The following MSRA variants were observed in gnomAD, a reference collection of about 807,000 sequenced individuals.
MSRA encodes the protein methionine sulfoxide reductase A, also known as mitochondrial peptide methionine sulfoxide reductase.
Under a neutral mutation model 31.3 loss-of-function variants are expected in MSRA, and 54 were observed. The ratio of observed to expected loss-of-function variants is 1.73; its 90% CI spans 1.39 to 2.17. The LOEUF (loss-of-function observed/expected upper bound fraction) is 2.17. Among genes scored for constraint, MSRA ranks in the 30% most tolerant of loss-of-function variants. MSRA has a pLI of 0.00. For synonymous variants in MSRA, 169 were observed against 116.5 expected, an observed-to-expected ratio of 1.45 and a Z score of -2.90; for missense variants, 507 against 300.9, an observed-to-expected ratio of 1.69 and a Z score of -5.07.
At chr8:10,421,245 G>T (rs17149339) in intron 5 of MSRA, among the ~76,000 whole-genome samples, 1,542 of 152,302 alleles carry the variant, frequency 0.01, 27 homozygotes, top group African/African-American at 0.036. Context: ...ACCGGTGGCT[G>T]TGGTCATGCC....
chr8:10,077,246 A>G (rs530764196), intron 1 of MSRA, among the ~76,000 whole-genome samples: 4 of 152,292 alleles, frequency 2.6e-5, no homozygotes, highest in Admixed American at 2.0e-4. Flanking sequence ...GGCGAGAGCC[A>G]GGCACCATGG....
chr8:10,164,954 G>A (rs181272670), intron 1 of MSRA, among the ~76,000 whole-genome samples: 1 of 152,174 alleles, frequency 6.6e-6, no homozygotes, highest in African/African-American at 2.4e-5. Flanking sequence ...CTTGAACCTG[G>A]GAGGTGGAGG....
chr8:10,264,503 G>C (rs935196561), intron 3 of MSRA, among the ~76,000 whole-genome samples: 2 of 152,114 alleles, frequency 1.3e-5, no homozygotes, highest in East Asian at 1.9e-4. Flanking sequence ...TTATCAGAAC[G>C]ATGGCTGCCT....
intron 1 of MSRA, among the ~76,000 whole-genome samples, chr8:10,165,533 G>A (rs749962780): frequency 6.6e-6 from 1 of 152,168 alleles, no homozygotes; most frequent in Non-Finnish European, 1.5e-5. Context: ...GGTGGGGAGA[G>A]GGGACAGCAG....
At chr8:10,193,370 CT>C (rs1355922119) in intron 1 of MSRA, among the ~76,000 whole-genome samples, 1 of 152,228 alleles carries the variant, frequency 6.6e-6, no homozygotes, top group Non-Finnish European at 1.5e-5. Context: ...GCCGCCTCCT[CT>C]GTCTCCCCTG....
At chr8:10,255,630 A>T (rs1293544796) in intron 3 of MSRA, among the ~76,000 whole-genome samples, 1 of 152,030 alleles carries the variant, frequency 6.6e-6, no homozygotes, top group Non-Finnish European at 1.5e-5. Flanking sequence ...AAGAAAAAAT[A>T]ATCTGTCACC....
At chr8:10,262,561 T>A (rs896725375) in intron 3 of MSRA, among the ~76,000 whole-genome samples, 2 of 152,228 alleles carry the variant, frequency 1.3e-5, no homozygotes, top group Non-Finnish European at 1.5e-5. Context: ...CCATTTTTTA[T>A]TTGGGTTGTT....
At chr8:10,200,407 C>A (rs114771793) in intron 1 of MSRA, among the ~76,000 whole-genome samples, 1 of 152,226 alleles carries the variant, frequency 6.6e-6, no homozygotes, top group South Asian at 2.1e-4. Flanking sequence ...CCTTCCCCTT[C>A]ACCTCCAGCT....
intron 1 of MSRA, among the ~76,000 whole-genome samples, chr8:10,104,819 G>A (rs1351298842): frequency 6.6e-6 from 1 of 152,136 alleles, no homozygotes; most frequent in Non-Finnish European, 1.5e-5. Context: ...GAATGCCCTT[G>A]GCCAAGAGGA....
intron 3 of MSRA, among the ~76,000 whole-genome samples, chr8:10,301,079 T>A (rs2129125199): frequency 6.6e-6 from 1 of 152,190 alleles, no homozygotes; most frequent in East Asian, 1.9e-4. Flanking sequence ...GATCAGCCTG[T>A]TTTTTACAGG....
At chr8:10,197,586 A>C (rs1351746197) in intron 1 of MSRA, among the ~76,000 whole-genome samples, 1 of 152,162 alleles carries the variant, frequency 6.6e-6, no homozygotes, top group African/African-American at 2.4e-5. Flanking sequence ...ACCAGTGTTC[A>C]GGAGCCACAT....
At chr8:10,274,800 C>T (rs775524185) in intron 3 of MSRA, among the ~76,000 whole-genome samples, 3 of 151,958 alleles carry the variant, frequency 2.0e-5, no homozygotes, top group Non-Finnish European at 4.4e-5. Context: ...CTCATCTAAC[C>T]ATTCATCCAT....
At chr8:10,384,917 A>G (rs534144377) in intron 5 of MSRA, among the ~76,000 whole-genome samples, 15 of 152,210 alleles carry the variant, frequency 9.9e-5, no homozygotes, top group Non-Finnish European at 2.1e-4. Flanking sequence ...CAGAAGGATC[A>G]CTTGAGCCGA....
intron 1 of MSRA, among the ~76,000 whole-genome samples, chr8:10,182,114 A>G (rs1213241840): frequency 6.6e-6 from 1 of 152,160 alleles, no homozygotes; most frequent in Non-Finnish European, 1.5e-5. Context: ...GCTGGGGACT[A>G]GACAGGGAGG....
chr8:10,379,260 C>G (rs1805918778), intron 5 of MSRA, among the ~76,000 whole-genome samples: 1 of 152,036 alleles, frequency 6.6e-6, no homozygotes, highest in Non-Finnish European at 1.5e-5. Flanking sequence ...CTAACCTTCC[C>G]TGTAAGCCCT....
chr8:10,240,556 A>G (rs1348316871), intron 2 of MSRA, among the ~76,000 whole-genome samples: 3 of 152,094 alleles, frequency 2.0e-5, no homozygotes, highest in African/African-American at 7.2e-5. Flanking sequence ...TCACTCCCAC[A>G]TGTCCACCTA....
chr8:10,175,371 C>T (rs780106925), intron 1 of MSRA, among the ~76,000 whole-genome samples: 58 of 152,212 alleles, frequency 3.8e-4, no homozygotes, highest in Non-Finnish European at 6.6e-4. Context: ...CATGTTTACC[C>T]TGTTGGAACA....
chr8:10,383,563 G>C (rs898769761), intron 5 of MSRA, among the ~76,000 whole-genome samples: 1 of 151,428 alleles, frequency 6.6e-6, no homozygotes, highest in African/African-American at 2.4e-5. Flanking sequence ...TTTCCAGGTG[G>C]TTTCAGGTTG....
chr8:10,115,788 C>T (rs1007591340), intron 1 of MSRA, among the ~76,000 whole-genome samples: 2 of 152,082 alleles, frequency 1.3e-5, no homozygotes, highest in African/African-American at 2.4e-5. Flanking sequence ...CTGCTGTATC[C>T]CCAGCATTAA....
Sources: allele counts gnomAD v4.1 joint callset (sites outside exome capture counted in the v4.1 genomes callset), GRCh38; gene constraint gnomAD v4.1.1; transcripts MANE v1.5; gene names NCBI Gene and HGNC (gene_info 2026-07-23, HGNC 2026-07-21).